CRYBG3: variants seen among roughly 807,000 people sequenced by gnomAD.
CRYBG3 encodes crystallin beta-gamma domain containing 3.
A neutral mutation model predicts 244.2 loss-of-function variants in CRYBG3; 127 were observed. That is an observed-to-expected ratio of 0.52 (90% CI 0.45 to 0.60). The LOEUF (loss-of-function observed/expected upper bound fraction) is 0.60. CRYBG3 is among the 20% of genes least tolerant of loss of function. CRYBG3 has a pLI of 0.00. For synonymous variants in CRYBG3, 1,132 were observed against 1,195.8 expected (o/e 0.95, Z 1.10); for missense variants, 3,325 against 3,442.5 (o/e 0.97, Z 0.85).
intron 15 of CRYBG3, among the ~76,000 whole-genome samples, chr3:97,903,966 G>C (rs75469594): frequency 6.6e-6 from 1 of 152,146 alleles, no homozygotes; most frequent in East Asian, 1.9e-4. Flanking sequence ...GTGTAGTCTG[G>C]AAAACACTCA....
chr3:97,889,485 A>G, intron 10 of CRYBG3, 95 bp downstream of exon 10: 1 of 1,036,996 alleles, frequency 9.6e-7, no homozygotes, highest in Admixed American at 1.8e-5. Context: ...AAGTACCTCC[A>G]CATATGATTA....
At chr3:97,843,401 G>A in intron 2 of CRYBG3, 140 bp downstream of exon 2, 4 of 594,266 alleles carry the variant, frequency 6.7e-6, no homozygotes, top group Non-Finnish European at 8.7e-6. Flanking sequence ...GCCCAACTTT[G>A]TCAGACACTT....
At chr3:97,858,528 A>G (rs1234346972) in intron 2 of CRYBG3, among the ~76,000 whole-genome samples, 1 of 151,096 alleles carries the variant, frequency 6.6e-6, no homozygotes, top group Non-Finnish European at 1.5e-5. Context: ...ATTCCTTTTT[A>G]TTTTCTGATT....
In CRYBG3 at chr3:97,877,796, A is replaced by G. The variant is rs1333601333; in HGVS notation, c.6602A>G (p.Asn2201Ser). 8 of 1,613,986 alleles carry G rather than the reference A, an allele frequency of 5.0e-6. No individual in the cohort carries two copies. The highest frequency in any genetic ancestry group is 3.3e-5 in the Admixed American group (2 of 59,998). Residue 2201 changes from asparagine to serine, a missense_variant, in exon 4 of 22, where the codon AAT becomes AGT. Coordinates refer to ENST00000389622, the MANE Select transcript of CRYBG3 (RefSeq NM_153605.4). ...TCTAAGAATTCATATGTGATGCCAA[A>G]TGAACCTACTACCTCCAATCTGCAA... ...GISKNSYVMP[N>S]EPTTSNLQVG... is the part of the protein sequence containing the mutation.
chr3:97,845,210 T>C (rs989116152), intron 2 of CRYBG3, among the ~76,000 whole-genome samples: 1 of 152,200 alleles, frequency 6.6e-6, no homozygotes, highest in Non-Finnish European at 1.5e-5. Context: ...CCATAACAGA[T>C]TTATGTAAAC....
At chr3:97,838,513 C>T (rs1027060796) in intron 1 of CRYBG3, among the ~76,000 whole-genome samples, 2 of 152,028 alleles carry the variant, frequency 1.3e-5, no homozygotes, top group Non-Finnish European at 2.9e-5. Context: ...CCTTGACAGT[C>T]GGGCCCAGAA....
At chr3:97,878,585 G>T (rs192071379) in intron 4 of CRYBG3, among the ~76,000 whole-genome samples, 237 of 152,296 alleles carry the variant, frequency 1.6e-3, no homozygotes, top group Middle Eastern at 3.4e-3. Context: ...CTGAAGCAAG[G>T]TTATTTTGAA....
intron 2 of CRYBG3, among the ~76,000 whole-genome samples, chr3:97,859,326 C>A (rs1025593836): frequency 1.3e-4 from 20 of 152,128 alleles, no homozygotes; most frequent in African/African-American, 4.1e-4. Context: ...TTCCACTGCT[C>A]AAGGGGGCAG....
intron 17 of CRYBG3, among the ~76,000 whole-genome samples, chr3:97,923,779 G>A (rs2040010274): frequency 1.3e-5 from 2 of 151,822 alleles, no homozygotes; most frequent in Admixed American, 6.6e-5. Flanking sequence ...TTTTTTCCTA[G>A]GAATTTTATA....
At chr3:97,891,384 A>G (rs957697163) in intron 10 of CRYBG3, among the ~76,000 whole-genome samples, 2 of 152,188 alleles carry the variant, frequency 1.3e-5, no homozygotes, top group Non-Finnish European at 2.9e-5. Flanking sequence ...TAAATAAGCT[A>G]TTTTATCCTT....
intron 15 of CRYBG3, among the ~76,000 whole-genome samples, chr3:97,903,414 G>A (rs2039727991): frequency 6.6e-6 from 1 of 152,030 alleles, no homozygotes; most frequent in African/African-American, 2.4e-5. Context: ...GGTTAATAAG[G>A]GAAATGAAAT....
chr3:97,880,166 G>T (rs1350572733), intron 6 of CRYBG3, 66 bp downstream of exon 6: 7 of 799,816 alleles, frequency 8.8e-6, no homozygotes, highest in East Asian at 2.7e-5. Context: ...TGCTGTTAAT[G>T]CTTTTTTTTC....
At chr3:97,848,823 A>G (rs573951685) in intron 2 of CRYBG3, among the ~76,000 whole-genome samples, 2 of 152,302 alleles carry the variant, frequency 1.3e-5, no homozygotes, top group Admixed American at 6.5e-5. Context: ...TTCAAACATA[A>G]CAGTGCTCCC....
chr3:97,857,001 A>C (rs971091345), intron 2 of CRYBG3, among the ~76,000 whole-genome samples: 2 of 151,654 alleles, frequency 1.3e-5, no homozygotes, highest in African/African-American at 4.8e-5. Flanking sequence ...ATTTGAAATA[A>C]TTTTTTTATT....
chr3:97,843,301 A>T, intron 2 of CRYBG3, 40 bp downstream of exon 2: 1 of 909,636 alleles, frequency 1.1e-6, no homozygotes, highest in Non-Finnish European at 1.6e-6. Flanking sequence ...TCAAGCAAAT[A>T]TCTTAAATTG....
chr3:97,939,362 A>G (rs932934208), intron 19 of CRYBG3, among the ~76,000 whole-genome samples: 1 of 151,964 alleles, frequency 6.6e-6, no homozygotes, highest in Non-Finnish European at 1.5e-5. Flanking sequence ...AGTTTCTAAA[A>G]TAGTAGTTTG....
At chr3:97,845,419 G>A (rs1326694926) in intron 2 of CRYBG3, among the ~76,000 whole-genome samples, 1 of 152,040 alleles carries the variant, frequency 6.6e-6, no homozygotes, top group Non-Finnish European at 1.5e-5. Flanking sequence ...CACAAATTTT[G>A]CTATTTTACT....
rs778350246 is a variant in CRYBG3, at chr3:97,942,263, A to T, written c.8665-21A>T. 1.1e-5 allele frequency: 18 copies of T among 1,581,728 alleles called. No individual in the cohort carries two copies. The South Asian group carries it at 2.1e-4, about 18-fold the overall frequency. On this transcript the variant is annotated intron_variant, in intron 20 of 21. Coordinates refer to ENST00000389622, the MANE Select transcript of CRYBG3 (RefSeq NM_153605.4). ...TTAGCAAACATACTACTGCCAATTA[A>T]TCATTTCTTAACCCTTTTAGGCCAG...
At chr3:97,878,177 GAGGC>G (rs1232386989) in intron 4 of CRYBG3, 140 bp downstream of exon 4, 3 of 682,720 alleles carry the variant, frequency 4.4e-6, no homozygotes, top group Non-Finnish European at 7.2e-6. Flanking sequence ...TTGGGAGGCC[GAGGC>G]AGGTGGATCA....
Sources: gnomAD v4.1 joint callset for allele counts (sites outside exome capture counted in the v4.1 genomes callset) on GRCh38, gnomAD v4.1.1 for gene constraint, MANE v1.5 for transcripts, NCBI Gene and HGNC (gene_info 2026-07-23, HGNC 2026-07-21) for gene names.